SMARCAD1: variants seen among roughly 807,000 people sequenced by gnomAD.
SMARCAD1 encodes the protein SWI/SNF-related matrix-associated actin-dependent regulator of chromatin subfamily A containing DEAD/H box 1.
A neutral mutation model predicts 127.1 loss-of-function variants in SMARCAD1; 25 were observed. The ratio of observed to expected loss-of-function variants is 0.20; its 90% CI spans 0.14 to 0.27. The LOEUF (loss-of-function observed/expected upper bound fraction) is 0.27. Among genes scored for constraint, SMARCAD1 ranks in the 10% least tolerant of loss-of-function variants. The probability of loss-of-function intolerance (pLI) is 1.00; values close to 1 mark genes in which losing one functional copy is unlikely to be tolerated. For synonymous variants in SMARCAD1, 400 were observed against 396.9 expected (o/e 1.01, Z -0.09); for missense variants, 807 against 1,206.0 (o/e 0.67, Z 4.90).
chr4:94,252,811 C>T lies in SMARCAD1; in HGVS notation c.1085C>T (p.Ser362Leu), dbSNP rs776307895. Reference protein sequence around the residue: ...KRVVEDSEYDSGSDVGSSLDE... With the variant: ...KRVVEDSEYDLGSDVGSSLDE... ...GTTGTTGAAGACTCTGAATATGATT[C>T]AGGTTCTGATGTCGGTAGTTCACTA... Residue 362 changes from serine (S) to leucine (L), a missense_variant, in exon 9 of 24, where the codon TCA becomes TTA. This residue lies in a region of SMARCAD1 where 257 missense variants were observed against 303.4 expected (regional missense o/e 0.85). Coordinates refer to ENST00000354268, the MANE Select transcript of SMARCAD1 (RefSeq NM_020159.5). 1.2e-6 allele frequency: 2 copies of T among 1,614,018 alleles called. No individual in the cohort carries two copies. The highest frequency in any genetic ancestry group is 1.7e-6 in the Non-Finnish European group (2 of 1,179,970).
At chr4:94,287,819 A>C (rs1310003958) in intron 23 of SMARCAD1, among the ~76,000 whole-genome samples, 1 of 151,964 alleles carries the variant, frequency 6.6e-6, no homozygotes, top group Non-Finnish European at 1.5e-5. Context: ...TCATGACTAC[A>C]TACTTTTTGA....
chr4:94,275,942 C>T (rs1284614265), intron 14 of SMARCAD1, among the ~76,000 whole-genome samples: 3 of 151,798 alleles, frequency 2.0e-5, no homozygotes, highest in Admixed American at 6.6e-5. Context: ...GGACTACAGG[C>T]GCCCACCACC....
chr4:94,240,458 T>C (rs1747406762), intron 5 of SMARCAD1, among the ~76,000 whole-genome samples: 2 of 152,212 alleles, frequency 1.3e-5, no homozygotes, highest in Non-Finnish European at 2.9e-5. Context: ...GTGTGAAAAG[T>C]AAATGAAACA....
intron 6 of SMARCAD1, 140 bp from the exon 7 acceptor site, chr4:94,249,514 A>G: frequency 1.6e-6 from 1 of 630,216 alleles, no homozygotes; most frequent in Non-Finnish European, 2.9e-6. Context: ...CAATGTTCAC[A>G]GAAACAAAAA....
In SMARCAD1 at chr4:94,234,132, A is replaced by C. The variant is rs745466770; in HGVS notation, c.537+10A>C. 1 of 1,580,418 alleles carries C rather than the reference A, an allele frequency of 6.3e-7. No individual in the cohort carries two copies. Among genetic ancestry groups the C allele is most frequent in the East Asian group, 2.3e-5 (1 of 43,590 alleles). ...CAATGATTTACTTAAGGTTATATTC[A>C]TTGGTTATTGTAGCTGTAATGATGA... On this transcript the variant is annotated intron_variant, in intron 4 of 23. Coordinates refer to ENST00000354268, the MANE Select transcript of SMARCAD1 (RefSeq NM_020159.5).
chr4:94,222,290 T>C (rs1744268104), intron 2 of SMARCAD1, among the ~76,000 whole-genome samples: 1 of 152,248 alleles, frequency 6.6e-6, no homozygotes, highest in Admixed American at 6.5e-5. Context: ...TGGTTTTAAG[T>C]AAATAAATAT....
intron 9 of SMARCAD1, among the ~76,000 whole-genome samples, chr4:94,259,411 T>G (rs1750619179): frequency 1.3e-5 from 2 of 152,218 alleles, no homozygotes; most frequent in Admixed American, 1.3e-4. Flanking sequence ...TACTGCTGTT[T>G]TACATTCGTG....
At chr4:94,278,218 A>C (rs1014945391) in intron 16 of SMARCAD1, among the ~76,000 whole-genome samples, 4 of 152,228 alleles carry the variant, frequency 2.6e-5, no homozygotes, top group African/African-American at 9.6e-5. Context: ...ATTACGTATC[A>C]TAAAACTTCA....
intron 3 of SMARCAD1, 106 bp downstream of exon 3, chr4:94,226,402 C>CTTTTTTTTTTTTTTCT (rs34491534): frequency 2.3e-6 from 1 of 438,970 alleles, no homozygotes; most frequent in Non-Finnish European, 3.8e-6. Context: ...TTTTTTTTTT[C>CTTTTTTTTTTTTTTCT]TTTTTTTTTT....
intron 10 of SMARCAD1, among the ~76,000 whole-genome samples, chr4:94,269,118 A>AT (rs1752163376): frequency 1.3e-5 from 2 of 152,242 alleles, no homozygotes; most frequent in South Asian, 4.1e-4. Flanking sequence ...TTTTAGTTGT[A>AT]TTAAATGGGA....
At chr4:94,272,260 G>A (rs1752642290) in intron 11 of SMARCAD1, among the ~76,000 whole-genome samples, 1 of 152,148 alleles carries the variant, frequency 6.6e-6, no homozygotes, top group Non-Finnish European at 1.5e-5. Flanking sequence ...TGGCATTTGA[G>A]GTTACGACTC....
chr4:94,247,703 C>G (rs1394520302), intron 6 of SMARCAD1, among the ~76,000 whole-genome samples: 1 of 152,178 alleles, frequency 6.6e-6, no homozygotes, highest in Non-Finnish European at 1.5e-5. Flanking sequence ...CCCCCTAACC[C>G]CTGGCAACCG....
chr4:94,271,245 C>T (rs1380599090), intron 11 of SMARCAD1, among the ~76,000 whole-genome samples: 1 of 152,172 alleles, frequency 6.6e-6, no homozygotes, highest in Non-Finnish European at 1.5e-5. Flanking sequence ...AGATCCCTGT[C>T]CTTGTCAGTA....
At chr4:94,279,109 A>T (rs148701911) in intron 19 of SMARCAD1, 59 bp downstream of exon 19, 1 of 1,608,592 alleles carries the variant, frequency 6.2e-7, no homozygotes, top group Non-Finnish European at 8.5e-7. Context: ...TTGTTAGGCT[A>T]TAAGATTGGT....
chr4:94,212,828 G>A (rs1318812950), intron 2 of SMARCAD1, among the ~76,000 whole-genome samples: 2 of 152,008 alleles, frequency 1.3e-5, no homozygotes, highest in Non-Finnish European at 2.9e-5. Flanking sequence ...GCCATCAGGT[G>A]TTCTTTGGCC....
chr4:94,286,528 C>T (rs556400058), intron 23 of SMARCAD1, among the ~76,000 whole-genome samples: 1 of 152,246 alleles, frequency 6.6e-6, no homozygotes, highest in African/African-American at 2.4e-5. Flanking sequence ...ACTTTATTAT[C>T]GAAAATCAGT....
At chr4:94,236,894 A>T in intron 4 of SMARCAD1, 58 bp from the exon 5 acceptor site, 18 of 1,281,642 alleles carry the variant, frequency 1.4e-5, no homozygotes, top group Non-Finnish European at 1.8e-5. Flanking sequence ...ATATTTCAGT[A>T]ACTGAAATAA....
chr4:94,283,444 G>T lies in SMARCAD1; in HGVS notation c.2909+141G>T, dbSNP rs960289031. ...GCTACTGATGTATTTTATACCAGCAGTGTTGAACATCAACTGCACTACGTA... is the reference window on the plus strand; with the variant it reads ...GCTACTGATGTATTTTATACCAGCATTGTTGAACATCAACTGCACTACGTA... On this transcript the variant is annotated intron_variant, in intron 22 of 23. Transcript: ENST00000354268. 24 of 737,590 alleles carry T rather than the reference G, an allele frequency of 3.3e-5. No homozygotes were observed. In the African/African-American group the frequency reaches 4.2e-4, roughly 13 times the overall value. 45.7% of individuals were successfully genotyped at this position (737,590 alleles called of 1,614,324 possible). A position where few individuals can be genotyped will look rare whatever the true frequency, so the allele number is the denominator to read the frequency against.
intron 9 of SMARCAD1, among the ~76,000 whole-genome samples, chr4:94,258,144 A>G (rs10024642): frequency 0.69 from 103,624 of 150,556 alleles, 36,798 homozygotes; most frequent in African/African-American, 0.89. Context: ...TAAATTTCCC[A>G]TCAGATTTTT....
Sources: gnomAD v4.1 joint callset for allele counts (sites outside exome capture counted in the v4.1 genomes callset) on GRCh38, gnomAD v4.1.1 for gene constraint, gnomAD v4.1.1 regional missense constraint, MANE v1.5 for transcripts, NCBI Gene and HGNC (gene_info 2026-07-23, HGNC 2026-07-21) for gene names.